The following PEAK1 variants were observed in gnomAD, a reference collection of about 807,000 sequenced individuals.
PEAK1 encodes inactive tyrosine-protein kinase PEAK1.
PEAK1 carries 54 observed loss-of-function variants against 124.7 expected under a neutral mutation model. The ratio of observed to expected loss-of-function variants is 0.43; its 90% CI spans 0.35 to 0.54. The LOEUF (loss-of-function observed/expected upper bound fraction) is 0.54, where lower values mean the gene tolerates loss of function less well. Among genes scored for constraint, PEAK1 ranks in the 20% least tolerant of loss-of-function variants. The pLI, the probability that PEAK1 is intolerant of heterozygous loss-of-function variation, is 0.01. For missense variants in PEAK1, 2,046 were observed against 2,134.5 expected (o/e 0.96, Z 0.82); for synonymous variants, 719 against 760.0 (o/e 0.95, Z 0.89).
At chr15:77,104,948 G>A (rs146036456), downstream of PEAK1, 3 of 152,356 alleles carry the variant, frequency 2.0e-5, no homozygotes, top group East Asian at 3.9e-4. Flanking sequence ...CCTGGAAGAG[G>A]AGCATCTCAG....
At chr15:77,325,986 C>A (rs1266941628) in intron 2 of PEAK1, among the ~76,000 whole-genome samples, 1 of 151,842 alleles carries the variant, frequency 6.6e-6, no homozygotes, top group African/African-American at 2.4e-5. Context: ...AAAAACATAA[C>A]CATAGACTAC....
chr15:77,285,940 C>T lies in PEAK1; in HGVS notation c.-521+483G>A, dbSNP rs949002333. 9.9e-5 allele frequency among the ~76,000 whole-genome samples: 15 copies of T among 152,078 alleles called. 1 individual carries two copies. Among genetic ancestry groups the T allele is most frequent in the African/African-American group, 2.7e-4 (11 of 41,496 alleles). ...ATTGCTTCTCTAGTTCTTTTAATTT[C>T]GATGTTAGAGTGTTGATTTTAGATC... On this transcript the variant is annotated intron_variant, in intron 3 of 9. Coordinates refer to ENST00000682557, the MANE Select transcript of PEAK1 (RefSeq NM_001385026.1).
At chr15:77,347,631 A>T (rs890015656) in intron 2 of PEAK1, 8 of 983,230 alleles carry the variant, frequency 8.1e-6, no homozygotes, top group Non-Finnish European at 7.2e-6. Flanking sequence ...CTTTAAAAAA[A>T]TTTTAATGTA....
chr15:77,395,845 G>C (rs2070838443), intron 1 of PEAK1, among the ~76,000 whole-genome samples: 1 of 152,040 alleles, frequency 6.6e-6, no homozygotes, highest in Admixed American at 6.6e-5. Flanking sequence ...TGAAAGAAAA[G>C]GACTTTAATG....
In PEAK1 at chr15:77,179,003, G is replaced by A. The variant is rs374398757; in HGVS notation, c.2924C>T (p.Thr975Ile). The part of the protein sequence containing the change: ...PPPVQRHHWF[T>I]EAKGESSEKP... The stretch of plus-strand genomic sequence containing the variant: ...CTCACTGGACTCTCCTTTCGCCTCT[G>A]TGAACCAGTGATGGCGCTGAACTGG... The change falls in exon 7 of 10, where the codon ACA (threonine) becomes ATA (isoleucine). Residue 975 changes from threonine to isoleucine, a missense_variant. Physicochemically the swap from Thr to Ile is moderately conservative, Grantham distance 89. Coordinates refer to ENST00000682557, the MANE Select transcript of PEAK1 (RefSeq NM_001385026.1). The A allele has an allele frequency of 2.3e-4, 366 of 1,613,998 alleles. No homozygotes were observed. Among genetic ancestry groups the A allele is most frequent in the Non-Finnish European group, 3.0e-4 (350 of 1,180,036 alleles).
chr15:77,227,217 G>A (rs1362192179), intron 6 of PEAK1, among the ~76,000 whole-genome samples: 1 of 152,134 alleles, frequency 6.6e-6, no homozygotes, highest in African/African-American at 2.4e-5. Flanking sequence ...TTATCATTTT[G>A]TAATTACTTG....
rs764589910 is a variant in PEAK1 at position 77,336,248 on chromosome 15, CA to C, written c.-603+28914del. 2.6e-5 allele frequency: 26 copies of C among 985,236 alleles called. No individual in the cohort carries two copies. The Middle Eastern group carries it at 2.1e-3, about 78-fold the overall frequency. The allele number at this position is 985,236 out of a possible 1,614,324, so 61.0% of individuals were successfully genotyped here. ...TGCATTCCAAGAACCACAATGGGCA[CA>C]AAGAATCTAATCATTTACATCTTGC... On this transcript the variant is annotated intron_variant, in intron 2 of 9. Transcript: ENST00000682557.
At chr15:77,309,538 A>G (rs962670570) in intron 2 of PEAK1, among the ~76,000 whole-genome samples, 1 of 152,184 alleles carries the variant, frequency 6.6e-6, no homozygotes, top group Non-Finnish European at 1.5e-5. Flanking sequence ...CTGATCACAG[A>G]TTGAAAATGA....
chr15:77,298,197 AT>A (rs749000554), intron 2 of PEAK1, among the ~76,000 whole-genome samples: 1 of 37,798 alleles, frequency 2.6e-5, no homozygotes, highest in African/African-American at 1.4e-4. Flanking sequence ...GGTATCCTTA[AT>A]TTTTTTTTTT....
At chr15:77,342,031 T>C (rs927392650) in intron 2 of PEAK1, among the ~76,000 whole-genome samples, 3 of 152,022 alleles carry the variant, frequency 2.0e-5, no homozygotes, top group East Asian at 1.9e-4. Flanking sequence ...TTAAGTTACA[T>C]TGATTTAAAG....
chr15:77,355,900 C>G, intron 2 of PEAK1: 1 of 985,378 alleles, frequency 1.0e-6, no homozygotes, highest in Non-Finnish European at 1.2e-6. Context: ...CTCAGAAAAA[C>G]CCCTGGGTTG....
chr15:77,120,505 A>C (rs894924765), intron 9 of PEAK1, among the ~76,000 whole-genome samples: 1 of 151,822 alleles, frequency 6.6e-6, no homozygotes, highest in Non-Finnish European at 1.5e-5. Context: ...CTGCATCTTC[A>C]CTCCCTATGG....
intron 1 of PEAK1, among the ~76,000 whole-genome samples, chr15:77,413,155 A>G (rs1307546752): frequency 1.3e-5 from 2 of 152,248 alleles, no homozygotes; most frequent in Non-Finnish European, 2.9e-5. Flanking sequence ...TGCTAAAATT[A>G]GTGGGCAGAA....
chr15:77,415,781 T>A (rs181223590), intron 1 of PEAK1, among the ~76,000 whole-genome samples: 1 of 152,280 alleles, frequency 6.6e-6, no homozygotes, highest in East Asian at 1.9e-4. Flanking sequence ...ATCCCATTCC[T>A]TATTACCTTC....
Position 77,112,588 on chromosome 15 carries a change from G to A in PEAK1, c.*1568C>T, listed in dbSNP as rs1185669819. The A allele has an allele frequency of 1.3e-5, 2 of 151,598 alleles. No homozygotes were observed. Among genetic ancestry groups the A allele is most frequent in the Non-Finnish European group, 2.9e-5 (2 of 67,988 alleles). 9.4% of individuals were successfully genotyped at this position (151,598 alleles called of 1,614,324 possible). A position where few individuals can be genotyped will look rare whatever the true frequency, so the allele number is the denominator to read the frequency against. On this transcript the variant is annotated 3_prime_UTR_variant, in exon 10 of 10. Transcript: ENST00000682557. ...ACACACATTGTTCGAGTGACTCTTG[G>A]GATTTCAAGGTCAAAGTAAACACAT...
chr15:77,278,392 A>C (rs182740506), intron 5 of PEAK1: 51 of 313,300 alleles, frequency 1.6e-4, no homozygotes, highest in Middle Eastern at 1.3e-3. Flanking sequence ...TGTAAAGAAG[A>C]AGCAGGGAGA....
At chr15:77,409,027 T>C (rs2072174046) in intron 1 of PEAK1, among the ~76,000 whole-genome samples, 1 of 152,124 alleles carries the variant, frequency 6.6e-6, no homozygotes, top group African/African-American at 2.4e-5. Flanking sequence ...GCCATGATCA[T>C]GCCACTGCAC....
At chr15:77,215,916 AT>A (rs2059130095) in intron 6 of PEAK1, among the ~76,000 whole-genome samples, 2 of 152,008 alleles carry the variant, frequency 1.3e-5, no homozygotes, top group East Asian at 1.9e-4. Flanking sequence ...TTTTATATTT[AT>A]ATTTATATTT....
At chr15:77,330,261 A>G (rs2065819367) in intron 2 of PEAK1, among the ~76,000 whole-genome samples, 1 of 152,208 alleles carries the variant, frequency 6.6e-6, no homozygotes, top group Non-Finnish European at 1.5e-5. Flanking sequence ...AAGAGTTGTA[A>G]ATCCAGAATC....
Sources: gnomAD v4.1 joint callset for allele counts (sites outside exome capture counted in the v4.1 genomes callset) on GRCh38, gnomAD v4.1.1 for gene constraint, MANE v1.5 for transcripts, NCBI Gene and HGNC (gene_info 2026-07-23, HGNC 2026-07-21) for gene names.